Variants in AUTS2 observed in about 807,000 individuals in gnomAD.
The protein encoded by AUTS2 is autism susceptibility gene 2 protein.
A neutral mutation model predicts 112.4 loss-of-function variants in AUTS2; 17 were observed. That is an observed-to-expected ratio of 0.15 (90% confidence interval 0.10 to 0.23). The LOEUF (loss-of-function observed/expected upper bound fraction) is 0.23, where lower values mean the gene tolerates loss of function less well. Ranked by LOEUF, AUTS2 falls within the 10% of genes least tolerant of loss-of-function variation. The pLI, the probability that AUTS2 is intolerant of heterozygous loss-of-function variation, is 1.00. For missense variants in AUTS2, 1,510 were observed against 1,701.6 expected, an observed-to-expected ratio of 0.89 and a Z score of 1.98; for synonymous variants, 751 against 702.7, an observed-to-expected ratio of 1.07 and a Z score of -1.09.
At chr7:70,709,036 G>T (rs188677033) in intron 6 of AUTS2, among the ~76,000 whole-genome samples, 21 of 151,098 alleles carry the variant, frequency 1.4e-4, no homozygotes, top group African/African-American at 4.6e-4. Context: ...TCCTGCCTCA[G>T]CCTCCCGAGT....
intron 2 of AUTS2, among the ~76,000 whole-genome samples, chr7:70,040,244 T>C (rs1392234878): frequency 6.6e-6 from 1 of 152,202 alleles, no homozygotes; most frequent in Non-Finnish European, 1.5e-5. Flanking sequence ...ACTCATCCAT[T>C]GTAACTATGT....
chr7:70,217,934 TTTTGTTTGTTTG>T (rs142465356), intron 4 of AUTS2, among the ~76,000 whole-genome samples: 1 of 152,234 alleles, frequency 6.6e-6, no homozygotes. Flanking sequence ...GTTTTCTGGT[TTTTGTTTGTTTG>T]TTTGTTTGTT....
At chr7:69,871,310 T>C (rs1793485187) in intron 1 of AUTS2, among the ~76,000 whole-genome samples, 1 of 152,212 alleles carries the variant, frequency 6.6e-6, no homozygotes, top group Non-Finnish European at 1.5e-5. Flanking sequence ...AGGGAAAGTA[T>C]AGGCTCCCAA....
intron 2 of AUTS2, among the ~76,000 whole-genome samples, chr7:70,071,992 T>TG (rs5884774): frequency 1 from 151,838 of 152,274 alleles, 75,703 homozygotes; most frequent in East Asian, 1. Context: ...TTACTGGCCT[T>TG]GCTGCGGCCC....
At chr7:70,577,835 T>TA (rs1249188829) in intron 5 of AUTS2, among the ~76,000 whole-genome samples, 2 of 151,752 alleles carry the variant, frequency 1.3e-5, no homozygotes, top group Non-Finnish European at 1.5e-5. Flanking sequence ...TTCTTTATTT[T>TA]TTTTTTATTT....
intron 1 of AUTS2, among the ~76,000 whole-genome samples, chr7:69,824,189 G>A (rs971681655): frequency 5.3e-5 from 8 of 151,926 alleles, no homozygotes; most frequent in Middle Eastern, 3.2e-3. Context: ...CGAGGTGGGC[G>A]TATCACAAAG....
rs59363161 is a variant in AUTS2 at position 70,278,580 on chromosome 7, AACATACATACATACATACATACATACAT to A, written c.660+144027_660+144054del. On this transcript the variant is annotated intron_variant, in intron 4 of 18. Transcript: ENST00000342771. ...TGACAGAGTAAGACAGTCTCTCAAA[AACATACATACATACATACATACATACAT>A]ACATACATACATACATATGTACATG... is the stretch of plus-strand genomic sequence containing the variant. Among the ~76,000 whole-genome samples the A allele has an allele frequency of 3.6e-3, 542 of 149,756 alleles. 2 individuals carry two copies. The highest frequency in any genetic ancestry group is 6.7e-3 in the African/African-American group (275 of 40,760).
chr7:70,118,912 CCCCCTCTATTACTTCTGAGAACCACCTA>C (rs1464823212), intron 3 of AUTS2: 1 of 152,172 alleles, frequency 6.6e-6, no homozygotes, highest in African/African-American at 2.4e-5. Context: ...AGGGCAGGTT[CCCCCTCTATTACTTCTGAGAACCACCTA>C]CCCCTCTTTG....
chr7:70,508,318 G>T (rs1799051377), intron 5 of AUTS2, among the ~76,000 whole-genome samples: 1 of 152,118 alleles, frequency 6.6e-6, no homozygotes, highest in African/African-American at 2.4e-5. Flanking sequence ...GTGAAGAAAG[G>T]GAGGGTGCAG....
intron 4 of AUTS2, among the ~76,000 whole-genome samples, chr7:70,219,395 A>C (rs1329508943): frequency 1.3e-5 from 2 of 152,146 alleles, no homozygotes; most frequent in Non-Finnish European, 2.9e-5. Context: ...TAAAAGCAAG[A>C]TATATGATGT....
At chr7:70,637,316 G>A (rs1408026024) in intron 5 of AUTS2, among the ~76,000 whole-genome samples, 1 of 152,178 alleles carries the variant, frequency 6.6e-6, no homozygotes, top group Non-Finnish European at 1.5e-5. Flanking sequence ...AACCTTCCTG[G>A]ATGTTTGGAA....
At chr7:69,951,557 G>A (rs1797028077) in intron 2 of AUTS2, among the ~76,000 whole-genome samples, 1 of 152,130 alleles carries the variant, frequency 6.6e-6, no homozygotes, top group Non-Finnish European at 1.5e-5. Context: ...CTTTTTTGAG[G>A]ACTCAGTAAA....
intron 4 of AUTS2, among the ~76,000 whole-genome samples, chr7:70,306,772 C>A (rs940664474): frequency 2.0e-4 from 30 of 152,270 alleles, no homozygotes; most frequent in African/African-American, 6.5e-4. Context: ...GAGTGCCTGG[C>A]CACCAGGTCC....
chr7:70,167,699 G>A (rs961979296), intron 4 of AUTS2, among the ~76,000 whole-genome samples: 7 of 152,186 alleles, frequency 4.6e-5, no homozygotes, highest in Non-Finnish European at 1.0e-4. Flanking sequence ...GCATTGAAAT[G>A]ATGCAAATTA....
At chr7:70,349,684 T>A (rs1791662042) in intron 4 of AUTS2, among the ~76,000 whole-genome samples, 1 of 152,134 alleles carries the variant, frequency 6.6e-6, no homozygotes, top group African/African-American at 2.4e-5. Context: ...ACATGGTGCC[T>A]GGTATCTTCT....
chr7:69,970,136 A>G (rs918338997), intron 2 of AUTS2, among the ~76,000 whole-genome samples: 1 of 152,174 alleles, frequency 6.6e-6, no homozygotes, highest in African/African-American at 2.4e-5. Context: ...TAAATTATTT[A>G]TGAGTTGTCT....
intron 1 of AUTS2, among the ~76,000 whole-genome samples, chr7:69,698,627 A>G (rs1797664661): frequency 6.6e-6 from 1 of 152,202 alleles, no homozygotes; most frequent in African/African-American, 2.4e-5. Context: ...CTCACAGTGC[A>G]CACAGCCTTA....
intron 4 of AUTS2, among the ~76,000 whole-genome samples, chr7:70,230,461 G>T (rs1446614353): frequency 1.3e-5 from 2 of 152,160 alleles, no homozygotes; most frequent in African/African-American, 4.8e-5. Flanking sequence ...GCTAGAGATT[G>T]TATCTAAACA....
intron 2 of AUTS2, among the ~76,000 whole-genome samples, chr7:69,911,371 C>T (rs1162560652): frequency 3.3e-5 from 5 of 152,188 alleles, no homozygotes; most frequent in African/African-American, 4.8e-5. Context: ...GGTCTGGGCT[C>T]CCTAAAGGGC....
Sources: allele counts gnomAD v4.1 joint callset (sites outside exome capture counted in the v4.1 genomes callset), GRCh38; gene constraint gnomAD v4.1.1; transcripts MANE v1.5; gene names NCBI Gene and HGNC (gene_info 2026-07-23, HGNC 2026-07-21).